ANKRD44: variants seen among roughly 807,000 people sequenced by gnomAD.
ANKRD44 encodes the protein ankyrin repeat domain 44.
In ANKRD44, 35 loss-of-function variants were observed where a neutral mutation model predicts 116.0. That is an observed-to-expected ratio of 0.30 (90% CI 0.23 to 0.40). ANKRD44 has a LOEUF of 0.40. ANKRD44 is among the 10% of genes least tolerant of loss of function. ANKRD44 has a pLI of 1.00. For missense variants in ANKRD44, 1,014 were observed against 1,242.6 expected (o/e 0.82, Z 2.77); for synonymous variants, 435 against 461.8 (o/e 0.94, Z 0.74).
At position 197,081,692 on chromosome 2, in the gene ANKRD44, T is replaced by C. The variant is rs758464133; in HGVS notation, c.1491A>G (p.Ser497=). The stretch of plus-strand genomic sequence containing the variant: ...GCTCCCTGGCTCTTTCAAGTTCTTC[T>C]GAATTATCATGGGCATTTCCTAAGA... ...KTILGNAHDN[S]EELERARELK... is the part of the protein sequence containing the mutation. Residue 497 remains serine (S), a synonymous_variant, in exon 15 of 28, where the codon TCA becomes TCG. Transcript: ENST00000282272. 6.2e-7 allele frequency: 1 copy of C among 1,614,000 alleles called. No homozygotes were observed. The highest frequency in any genetic ancestry group is 8.5e-7 in the Non-Finnish European group (1 of 1,179,872).
chr2:197,051,471 G>T (rs1005640248), intron 16 of ANKRD44, among the ~76,000 whole-genome samples: 4 of 151,868 alleles, frequency 2.6e-5, no homozygotes, highest in Admixed American at 6.6e-5. Flanking sequence ...ATAGCTCACT[G>T]CACTCTCAAA....
chr2:197,261,770 G>A (rs927106105), intron 1 of ANKRD44, among the ~76,000 whole-genome samples: 5 of 152,098 alleles, frequency 3.3e-5, no homozygotes, highest in African/African-American at 7.2e-5. Context: ...TCAGAACCAC[G>A]CTTGAGATGT....
intron 3 of ANKRD44, among the ~76,000 whole-genome samples, chr2:197,143,640 G>T (rs1415739759): frequency 6.6e-6 from 1 of 151,758 alleles, no homozygotes; most frequent in Non-Finnish European, 1.5e-5. Context: ...TTGCTATTGT[G>T]AATAGTGGAG....
chr2:197,004,370 TA>T (rs2076166422), intron 21 of ANKRD44, among the ~76,000 whole-genome samples: 1 of 152,190 alleles, frequency 6.6e-6, no homozygotes, highest in African/African-American at 2.4e-5. Context: ...TTCATATTTC[TA>T]AGACATTCAT....
chr2:197,037,464 C>T (rs533176725), intron 16 of ANKRD44, among the ~76,000 whole-genome samples: 27 of 152,302 alleles, frequency 1.8e-4, no homozygotes, highest in Non-Finnish European at 3.2e-4. Context: ...ACTACCCATA[C>T]TATGTAGTAG....
At chr2:197,193,575 A>T (rs1420710261) in intron 1 of ANKRD44, among the ~76,000 whole-genome samples, 1 of 152,084 alleles carries the variant, frequency 6.6e-6, no homozygotes, top group Non-Finnish European at 1.5e-5. Flanking sequence ...CATTTTATAG[A>T]TGTGTTTAAA....
At position 197,013,495 on chromosome 2, in the gene ANKRD44, C is replaced by T. The variant is rs2076334742; in HGVS notation, c.1924+16G>A. The T allele has an allele frequency of 6.2e-7, 1 of 1,613,312 alleles. No individual in the cohort carries two copies. The highest frequency in any genetic ancestry group is 2.2e-5 in the East Asian group (1 of 44,862). On this transcript the variant is annotated intron_variant, in intron 18 of 27. Coordinates refer to ENST00000282272, the MANE Select transcript of ANKRD44 (RefSeq NM_001195144.2). ...AGCCACAAAACTAGGGTAATCAGGC[C>T]CTTGACAAGACCTACCTGAGGCATG...
At chr2:197,077,449 G>T (rs2077694644) in intron 16 of ANKRD44, among the ~76,000 whole-genome samples, 2 of 152,104 alleles carry the variant, frequency 1.3e-5, no homozygotes, top group Non-Finnish European at 2.9e-5. Context: ...ACCTGCAAAG[G>T]CCTGATTTGT....
intron 2 of ANKRD44, among the ~76,000 whole-genome samples, chr2:197,169,505 T>C (rs2080175803): frequency 6.6e-6 from 1 of 152,136 alleles, no homozygotes; most frequent in African/African-American, 2.4e-5. Flanking sequence ...TCTGTCAGTA[T>C]ATGTTGAGTG....
chr2:197,191,209 GCCAAATTTA>G (rs1458429521), intron 1 of ANKRD44, among the ~76,000 whole-genome samples: 1 of 152,158 alleles, frequency 6.6e-6, no homozygotes, highest in African/African-American at 2.4e-5. Flanking sequence ...CACTTCCTGG[GCCAAATTTA>G]CCAAAAGCAC....
chr2:197,232,129 T>C (rs1301567309), intron 1 of ANKRD44, among the ~76,000 whole-genome samples: 1 of 152,154 alleles, frequency 6.6e-6, no homozygotes, highest in Admixed American at 6.5e-5. Flanking sequence ...AGAAACCCAA[T>C]GTTCAAAGGA....
chr2:197,289,902 T>C (rs987392307), intron 1 of ANKRD44, among the ~76,000 whole-genome samples: 2 of 151,750 alleles, frequency 1.3e-5, no homozygotes, highest in Admixed American at 1.3e-4. Context: ...ACGGAGTCTC[T>C]ATCACCCAGG....
chr2:197,172,007 T>C (rs2080249094), intron 2 of ANKRD44, among the ~76,000 whole-genome samples: 1 of 150,372 alleles, frequency 6.7e-6, no homozygotes, highest in South Asian at 2.1e-4. Flanking sequence ...TTCTTTTTTT[T>C]TTTTTTTTTT....
At chr2:197,254,667 C>T (rs2376299) in intron 1 of ANKRD44, among the ~76,000 whole-genome samples, 17,465 of 150,502 alleles carry the variant, frequency 0.12, 1,094 homozygotes, top group African/African-American at 0.14. Context: ...ATCATGTTTC[C>T]TCTAAAAGTA....
chr2:197,223,621 T>C (rs2081634218), intron 1 of ANKRD44, among the ~76,000 whole-genome samples: 1 of 152,190 alleles, frequency 6.6e-6, no homozygotes, highest in Admixed American at 6.5e-5. Flanking sequence ...ATTAATTTCC[T>C]TTTACACAGA....
intron 2 of ANKRD44, among the ~76,000 whole-genome samples, chr2:197,161,585 T>G (rs1220048288): frequency 6.6e-6 from 1 of 152,170 alleles, no homozygotes; most frequent in Non-Finnish European, 1.5e-5. Context: ...ACAGGGATAT[T>G]GCATTCCATG....
exon 22 of ANKRD44, chr2:196,967,340 C>T: frequency 2.2e-6 from 1 of 454,188 alleles, no homozygotes; most frequent in Non-Finnish European, 4.6e-6. Flanking sequence ...GAGTGTAACC[C>T]TTTGCGTTCT....
chr2:197,246,692 T>A (rs1489073761), intron 1 of ANKRD44, among the ~76,000 whole-genome samples: 1 of 152,086 alleles, frequency 6.6e-6, no homozygotes, highest in Non-Finnish European at 1.5e-5. Context: ...TTTCTACACT[T>A]AAAACACCTA....
chr2:197,132,420 A>C (rs1205029897), intron 4 of ANKRD44, among the ~76,000 whole-genome samples: 1 of 152,188 alleles, frequency 6.6e-6, no homozygotes, highest in Non-Finnish European at 1.5e-5. Context: ...TTCATATTTA[A>C]TCAATATTAT....
Sources: gnomAD v4.1 joint callset for allele counts (sites outside exome capture counted in the v4.1 genomes callset) on GRCh38, gnomAD v4.1.1 for gene constraint, MANE v1.5 for transcripts, NCBI Gene and HGNC (gene_info 2026-07-23, HGNC 2026-07-21) for gene names.